Variants in SMYD3 observed in about 807,000 individuals in gnomAD.
SMYD3 encodes SET and MYND domain containing 3.
A neutral mutation model predicts 57.7 loss-of-function variants in SMYD3; 36 were observed. The observed-to-expected ratio is 0.62, with a 90% CI of 0.48 to 0.82. SMYD3 has a LOEUF of 0.82. Among genes scored for constraint, SMYD3 ranks in the 40% least tolerant of loss-of-function variants. SMYD3 has a pLI of 0.00. For missense variants in SMYD3, 515 were observed against 538.8 expected, an observed-to-expected ratio of 0.96 and a Z score of 0.44; for synonymous variants, 211 against 195.0, an observed-to-expected ratio of 1.08 and a Z score of -0.68.
intron 1 of SMYD3, among the ~76,000 whole-genome samples, chr1:246,440,637 C>T (rs540058288): frequency 8.5e-4 from 129 of 152,036 alleles, no homozygotes; most frequent in African/African-American, 2.9e-3. Context: ...ATAAAAACTA[C>T]GTTAAAATAA....
intron 10 of SMYD3, among the ~76,000 whole-genome samples, chr1:245,771,158 A>G (rs1303991837): frequency 6.6e-6 from 1 of 152,116 alleles, no homozygotes. Context: ...ATACATACAT[A>G]CATATGGCTG....
chr1:246,262,962 A>G (rs1201716869), intron 5 of SMYD3, among the ~76,000 whole-genome samples: 1 of 152,204 alleles, frequency 6.6e-6, no homozygotes, highest in Non-Finnish European at 1.5e-5. Flanking sequence ...ACACAGCATG[A>G]TGCACATTCT....
At chr1:246,246,073 A>G (rs569194310) in intron 5 of SMYD3, among the ~76,000 whole-genome samples, 1 of 152,242 alleles carries the variant, frequency 6.6e-6, no homozygotes, top group East Asian at 1.9e-4. Context: ...GTAGGTTTTG[A>G]GAAAGATTAC....
At chr1:246,300,175 T>C (rs2064869142) in intron 5 of SMYD3, among the ~76,000 whole-genome samples, 1 of 152,166 alleles carries the variant, frequency 6.6e-6, no homozygotes, top group Non-Finnish European at 1.5e-5. Context: ...CTCTAAGAAG[T>C]AAGGTTTCTA....
intron 5 of SMYD3, among the ~76,000 whole-genome samples, chr1:245,958,993 C>T (rs886366541): frequency 6.6e-6 from 1 of 152,160 alleles, no homozygotes; most frequent in Admixed American, 6.5e-5. Flanking sequence ...CTTCAACCTC[C>T]GCCTCCCAGG....
At chr1:245,993,891 T>C (rs1558566544) in intron 5 of SMYD3, among the ~76,000 whole-genome samples, 2 of 152,246 alleles carry the variant, frequency 1.3e-5, no homozygotes, top group African/African-American at 4.8e-5. Flanking sequence ...ATTTAAATGG[T>C]CATTTTTATG....
chr1:246,468,407 G>A (rs928629722), intron 1 of SMYD3, among the ~76,000 whole-genome samples: 3 of 151,378 alleles, frequency 2.0e-5, no homozygotes, highest in East Asian at 2.0e-4. Context: ...CTGGGAGGTT[G>A]AGGCGGGCAA....
chr1:246,408,663 CTTTTTTT>C lies in SMYD3; in HGVS notation c.165-53576_165-53570del, dbSNP rs5782392. Among the ~76,000 whole-genome samples the C allele has an allele frequency of 6.1e-5, 4 of 65,524 alleles. No homozygotes were observed. The East Asian group carries it at 1.3e-3, about 22-fold the overall frequency. The allele number at this position is 65,524 out of a possible 152,430, so 43.0% of individuals were successfully genotyped here. On this transcript the variant is annotated intron_variant, in intron 1 of 11. Coordinates refer to ENST00000490107, the MANE Select transcript of SMYD3 (RefSeq NM_001167740.2). ...CCTAATCCCTATCTCAGAAGCAAGTCTTTTTTTTTTTTTTTTTTTTTTTTGAGATGGA... is the reference window on the plus strand; with the variant it reads ...CCTAATCCCTATCTCAGAAGCAAGTCTTTTTTTTTTTTTTTTTGAGATGGA...
At chr1:245,957,511 A>C (rs1344701130) in intron 5 of SMYD3, among the ~76,000 whole-genome samples, 1 of 152,172 alleles carries the variant, frequency 6.6e-6, no homozygotes, top group Non-Finnish European at 1.5e-5. Flanking sequence ...CTCTAACTTG[A>C]GCTATCATTT....
chr1:245,816,944 C>T (rs12088282), intron 10 of SMYD3, among the ~76,000 whole-genome samples: 2,187 of 151,496 alleles, frequency 0.014, 53 homozygotes, highest in African/African-American at 0.05. Flanking sequence ...TGAGATCAAA[C>T]TGCAAGGCGG....
intron 1 of SMYD3, among the ~76,000 whole-genome samples, chr1:246,382,940 G>A (rs552733418): frequency 7.2e-5 from 11 of 152,238 alleles, no homozygotes; most frequent in African/African-American, 2.6e-4. Context: ...CATGCTCCAG[G>A]CTCGCACCCA....
intron 1 of SMYD3, among the ~76,000 whole-genome samples, chr1:246,501,140 T>G (rs6668455): frequency 0.089 from 13,538 of 152,264 alleles, 637 homozygotes; most frequent in Middle Eastern, 0.21. Context: ...TCTGTAACAC[T>G]GCAGCAATTC....
chr1:246,009,515 T>A (rs1403910540), intron 5 of SMYD3, among the ~76,000 whole-genome samples: 1 of 152,206 alleles, frequency 6.6e-6, no homozygotes, highest in Non-Finnish European at 1.5e-5. Context: ...TATGTGTGTA[T>A]ACACATACAC....
At chr1:246,249,455 A>C (rs2063764425) in intron 5 of SMYD3, among the ~76,000 whole-genome samples, 1 of 152,130 alleles carries the variant, frequency 6.6e-6, no homozygotes, top group Non-Finnish European at 1.5e-5. Context: ...AAATATGGAA[A>C]CTATTAAACA....
chr1:245,814,396 T>C (rs2048669089), intron 10 of SMYD3: 1 of 984,762 alleles, frequency 1.0e-6, no homozygotes, highest in Non-Finnish European at 1.2e-6. Flanking sequence ...AAAAGAAGAT[T>C]CTTTCCTGGT....
At chr1:245,967,193 G>A (rs1352683536) in intron 5 of SMYD3, among the ~76,000 whole-genome samples, 3 of 152,038 alleles carry the variant, frequency 2.0e-5, no homozygotes, top group Non-Finnish European at 4.4e-5. Flanking sequence ...ATTCTTACAT[G>A]GTATTGTAAT....
intron 10 of SMYD3, among the ~76,000 whole-genome samples, chr1:245,791,077 G>A (rs1290645499): frequency 1.3e-5 from 2 of 152,108 alleles, no homozygotes; most frequent in Non-Finnish European, 2.9e-5. Context: ...TCACCACCCA[G>A]GCTGCATGTC....
intron 5 of SMYD3, among the ~76,000 whole-genome samples, chr1:245,950,300 C>T (rs1019236858): frequency 1.3e-5 from 2 of 152,196 alleles, no homozygotes; most frequent in African/African-American, 4.8e-5. Flanking sequence ...TACCAATTCC[C>T]ACGTGCCCAC....
intron 5 of SMYD3, among the ~76,000 whole-genome samples, chr1:245,936,866 T>C (rs1230619781): frequency 1.3e-5 from 2 of 152,144 alleles, no homozygotes; most frequent in Non-Finnish European, 2.9e-5. Context: ...AAAAAAAATG[T>C]TGTGGTAATA....
Sources: allele counts gnomAD v4.1 joint callset (sites outside exome capture counted in the v4.1 genomes callset), GRCh38; gene constraint gnomAD v4.1.1; transcripts MANE v1.5; gene names NCBI Gene and HGNC (gene_info 2026-07-23, HGNC 2026-07-21).